GPR26: variants seen among roughly 807,000 people sequenced by gnomAD.
GPR26 encodes the protein G protein-coupled receptor 26.
GPR26 carries 15 observed loss-of-function variants against 23.1 expected under a neutral mutation model. That is an observed-to-expected ratio of 0.65 (90% CI 0.43 to 1.00). The LOEUF is 1.00. Among genes scored for constraint, GPR26 ranks in the 50% least tolerant of loss-of-function variants. The pLI, the probability that GPR26 is intolerant of heterozygous loss-of-function variation, is 0.00. For missense variants in GPR26, 359 were observed against 470.5 expected, an observed-to-expected ratio of 0.76 and a Z score of 2.19; for synonymous variants, 228 against 222.1, an observed-to-expected ratio of 1.03 and a Z score of -0.24.
Position 123,675,833 on chromosome 10 carries a change from CGT to C in GPR26, c.782+923_782+924del, listed in dbSNP as rs56201657. Among the ~76,000 whole-genome samples, 95 of 133,978 alleles carry C rather than the reference CGT, an allele frequency of 7.1e-4. 1 individual carries two copies. Among genetic ancestry groups the C allele is most frequent in the South Asian group, 7.7e-4 (3 of 3,888 alleles). The allele number at this position is 133,978 out of a possible 152,430, so 87.9% of individuals were successfully genotyped here. ...GTGTGTGTGTACGTGTGTGTGTGTA[CGT>C]GTGTGTGTGTGTGTGTGTGTAAGAG... On this transcript the variant is annotated intron_variant, in intron 2 of 2. Coordinates refer to ENST00000284674, the MANE Select transcript of GPR26 (RefSeq NM_153442.4).
In GPR26 at chr10:123,695,242, T is replaced by G. The variant is rs1246669318; in HGVS notation, c.*7082T>G. ...CATATTTAAGGACTTTTAAAGTAAT[T>G]TGGATTTTTAACTCAAAAGACGATG... On this transcript the variant is annotated 3_prime_UTR_variant, in exon 3 of 3. Transcript: ENST00000284674. Among the ~76,000 whole-genome samples, 1 of 152,184 alleles carries G rather than the reference T, an allele frequency of 6.6e-6. No individual in the cohort carries two copies. The highest frequency in any genetic ancestry group is 2.1e-4 in the South Asian group (1 of 4,824).
In GPR26 at chr10:123,674,748, G is replaced by A; in HGVS notation, c.669-70G>A. The A allele has an allele frequency of 1.0e-6, 1 of 975,598 alleles. No homozygotes were observed. Among genetic ancestry groups the A allele is most frequent in the Non-Finnish European group, 1.6e-6 (1 of 622,466 alleles). The allele number at this position is 975,598 out of a possible 1,614,324, so 60.4% of individuals were successfully genotyped here. On this transcript the variant is annotated intron_variant, in intron 1 of 2. Coordinates refer to ENST00000284674, the MANE Select transcript of GPR26 (RefSeq NM_153442.4). The surrounding 1 kb of genome is among the most constrained non-coding windows in gnomAD (Gnocchi z 4.1). ...ACACTAGAGACTGCTGCCTGTGTTA[G>A]TAAATAGTGCCTCATCCTGACCTAG... is the stretch of plus-strand genomic sequence containing the variant.
At chr10:123,669,037 C>A (rs900331022) in intron 1 of GPR26, among the ~76,000 whole-genome samples, 15 of 152,180 alleles carry the variant, frequency 9.9e-5, no homozygotes, top group Non-Finnish European at 1.6e-4. Flanking sequence ...TGCTTGCCTT[C>A]GATTTCCCCT....
Position 123,666,358 on chromosome 10 carries a change from C to T in GPR26, c.-50C>T. 8.2e-7 allele frequency: 1 copy of T among 1,220,096 alleles called. No individual in the cohort carries two copies. The highest frequency in any genetic ancestry group is 1.0e-6 in the Non-Finnish European group (1 of 959,944). The allele number at this position is 1,220,096 out of a possible 1,614,324, so 75.6% of individuals were successfully genotyped here. The stretch of plus-strand genomic sequence containing the variant: ...GGGCTGAGCCGGCCGCGGGCAGCGC[C>T]ATGGCGGCGCCGGGTTGCGGACCCT... On this transcript the variant is annotated 5_prime_UTR_variant, in exon 1 of 3. Transcript: ENST00000284674.
intron 1 of GPR26, among the ~76,000 whole-genome samples, chr10:123,672,836 C>A (rs1286513784): frequency 2.6e-5 from 4 of 152,174 alleles, no homozygotes; most frequent in Admixed American, 2.0e-4. Flanking sequence ...TAAACTGGAA[C>A]AATTGGTCAC....
At chr10:123,681,246 G>C (rs115262613) in intron 2 of GPR26, among the ~76,000 whole-genome samples, 49 of 152,096 alleles carry the variant, frequency 3.2e-4, no homozygotes, top group Non-Finnish European at 2.2e-4. Flanking sequence ...GCCTGAAACC[G>C]GCGGCCGTGC....
At chr10:123,667,666 C>A (rs1330143999) in intron 1 of GPR26, among the ~76,000 whole-genome samples, 3 of 151,654 alleles carry the variant, frequency 2.0e-5, no homozygotes, top group African/African-American at 7.3e-5. Context: ...GTGGGGGGCT[C>A]TTCCTGCCCT....
chr10:123,674,898 TC>T lies in GPR26; in HGVS notation c.751del (p.Val252CysfsTer7). 6.2e-7 allele frequency: 1 copy of T among 1,612,764 alleles called. No homozygotes were observed. Among genetic ancestry groups the T allele is most frequent in the South Asian group, 1.1e-5 (1 of 90,988 alleles). Reference sequence around the variant, plus strand: ...AAGATCAGCACCTTCATAGGGACCTTCCTTGTGTGCTTCGCGCCCTATGTGA... The same window carrying T: ...AAGATCAGCACCTTCATAGGGACCTTCTTGTGTGCTTCGCGCCCTATGTGA... ...TKKISTFIGTFLVCFAPYVIT... is the reference protein window; with the variant it reads ...TKKISTFIGTXLVCFAPYVIT... On this transcript the variant is annotated frameshift_variant, in exon 2 of 3. Coordinates refer to ENST00000284674, the MANE Select transcript of GPR26 (RefSeq NM_153442.4). LOFTEE classifies it high-confidence loss of function. This position sits in a 1 kb window ranked among gnomAD's most constrained non-coding sequence, Gnocchi z 4.1.
chr10:123,666,975 T>A lies in GPR26; in HGVS notation c.568T>A (p.Cys190Ser). ...SFLLSFVVLC[C>S]TYLKVLKVAR... Reference sequence around the variant, plus strand: ...CCTGCTCTCCTTCGTCGTGCTCTGCTGCACGTACCTCAAGGTGCTCAAGGT... The same window carrying A: ...CCTGCTCTCCTTCGTCGTGCTCTGCAGCACGTACCTCAAGGTGCTCAAGGT... Residue 190 changes from cysteine to serine, a missense_variant, in exon 1 of 3, where the codon TGC (cysteine) becomes AGC (serine). Physicochemically the swap from Cys to Ser is moderately radical, Grantham distance 112. Transcript: ENST00000284674. 2 of 1,613,790 alleles carry A rather than the reference T, an allele frequency of 1.2e-6. No homozygotes were observed. Among genetic ancestry groups the A allele is most frequent in the Non-Finnish European group, 1.7e-6 (2 of 1,179,922 alleles).
At chr10:123,682,963 C>T (rs1019662377) in intron 2 of GPR26, among the ~76,000 whole-genome samples, 7 of 152,026 alleles carry the variant, frequency 4.6e-5, no homozygotes, top group Admixed American at 3.3e-4. Flanking sequence ...GCCCAAGTTG[C>T]ATTTAGTACA....
chr10:123,696,011 T>C lies in GPR26; in HGVS notation c.*7851T>C, dbSNP rs1845539715. ...CCATTACCACCTGGGGTGGTTTTTCTAGACACCAGAATAGGCCAGATTTAA... is the reference window on the plus strand; with the variant it reads ...CCATTACCACCTGGGGTGGTTTTTCCAGACACCAGAATAGGCCAGATTTAA... On this transcript the variant is annotated 3_prime_UTR_variant, in exon 3 of 3. Transcript: ENST00000284674. Among the ~76,000 whole-genome samples the C allele has an allele frequency of 6.6e-6, 1 of 152,198 alleles. No individual in the cohort carries two copies. Among genetic ancestry groups the C allele is most frequent in the Non-Finnish European group, 1.5e-5 (1 of 68,028 alleles).
intron 2 of GPR26, among the ~76,000 whole-genome samples, chr10:123,681,137 C>T (rs1043617945): frequency 2.6e-5 from 4 of 152,080 alleles, no homozygotes; most frequent in South Asian, 2.1e-4. Flanking sequence ...CCATGCCTGG[C>T]GCTAACATTC....
intron 2 of GPR26, among the ~76,000 whole-genome samples, chr10:123,684,980 T>C (rs984847704): frequency 4.6e-5 from 7 of 152,202 alleles, no homozygotes; most frequent in African/African-American, 1.4e-4. Context: ...GAGCAGGAGA[T>C]AGGGCCTTAC....
chr10:123,672,124 T>A (rs1022190725), intron 1 of GPR26, among the ~76,000 whole-genome samples: 3 of 152,186 alleles, frequency 2.0e-5, no homozygotes, highest in Admixed American at 6.5e-5. Context: ...GATGGATTCA[T>A]CCTTTTCTTT....
In GPR26 at chr10:123,697,027, C is replaced by T. The variant is rs1159598100; in HGVS notation, c.*8867C>T. On this transcript the variant is annotated 3_prime_UTR_variant, in exon 3 of 3. Transcript: ENST00000284674. ...GGTGAATGTTCATGAACACAAACAG[C>T]TACACTCGGAGTAGAAAACAAATGA... 6.6e-6 allele frequency among the ~76,000 whole-genome samples: 1 copy of T among 152,206 alleles called. No individual in the cohort carries two copies. The highest frequency in any genetic ancestry group is 1.5e-5 in the Non-Finnish European group (1 of 68,038).
chr10:123,690,946 T>G lies in GPR26; in HGVS notation c.*2786T>G, dbSNP rs1207025133. ...CTTCACTCCAGGGTGAGACTTGACC[T>G]TTAAGGCCCAAACTCTGGTGAACTG... On this transcript the variant is annotated 3_prime_UTR_variant, in exon 3 of 3. Coordinates refer to ENST00000284674, the MANE Select transcript of GPR26 (RefSeq NM_153442.4). The G allele has an allele frequency of 6.6e-6, 1 of 152,228 alleles. No homozygotes were observed. The highest frequency in any genetic ancestry group is 1.5e-5 in the Non-Finnish European group (1 of 68,034). 9.4% of individuals were successfully genotyped at this position (152,228 alleles called of 1,614,324 possible).
At chr10:123,684,692 G>C (rs1434904958) in intron 2 of GPR26, among the ~76,000 whole-genome samples, 1 of 152,156 alleles carries the variant, frequency 6.6e-6, no homozygotes, top group East Asian at 1.9e-4. Context: ...CACTCACCCT[G>C]TGTGTGTGTC....
Position 123,688,379 on chromosome 10 carries a change from G to GT in GPR26, c.*220dup, listed in dbSNP as rs1489075942. 3 of 563,800 alleles carry GT rather than the reference G, an allele frequency of 5.3e-6. No individual in the cohort carries two copies. In the African/African-American group the frequency reaches 5.6e-5, roughly 11 times the overall value. The allele number at this position is 563,800 out of a possible 1,614,324, so 34.9% of individuals were successfully genotyped here. A position where few individuals can be genotyped will look rare whatever the true frequency, so the allele number is the denominator to read the frequency against. ...TGTCACCAAAGGATGACTGTAGGCC[G>GT]TGTGCTGGCCTTTCTTTCTAAGAAG... is the stretch of plus-strand genomic sequence containing the variant. On this transcript the variant is annotated 3_prime_UTR_variant, in exon 3 of 3. Coordinates refer to ENST00000284674, the MANE Select transcript of GPR26 (RefSeq NM_153442.4).
chr10:123,686,644 G>A (rs1211718352), intron 2 of GPR26, among the ~76,000 whole-genome samples: 1 of 152,170 alleles, frequency 6.6e-6, no homozygotes, highest in Non-Finnish European at 1.5e-5. Flanking sequence ...AAAGATAGAA[G>A]CACTGAGTTC....
Sources: allele counts gnomAD v4.1 joint callset (sites outside exome capture counted in the v4.1 genomes callset), GRCh38; gene constraint gnomAD v4.1.1; non-coding constraint Gnocchi (gnomAD v3.1); transcripts MANE v1.5; gene names NCBI Gene and HGNC (gene_info 2026-07-23, HGNC 2026-07-21).